TMTC1: variants seen among roughly 807,000 people sequenced by gnomAD.
The protein encoded by TMTC1 is transmembrane O-mannosyltransferase targeting cadherins 1.
A neutral mutation model predicts 104.8 loss-of-function variants in TMTC1; 73 were observed. The observed-to-expected ratio is 0.70, with a 90% CI of 0.58 to 0.85. The LOEUF (loss-of-function observed/expected upper bound fraction) is 0.85, where lower values mean the gene tolerates loss of function less well. Among genes scored for constraint, TMTC1 ranks in the 40% least tolerant of loss-of-function variants. TMTC1 has a pLI of 0.00. For synonymous variants in TMTC1, 434 were observed against 428.7 expected, an observed-to-expected ratio of 1.01 and a Z score of -0.15; for missense variants, 1,035 against 1,096.1, an observed-to-expected ratio of 0.94 and a Z score of 0.79.
At chr12:29,544,186 G>C (rs1944878335) in intron 10 of TMTC1, among the ~76,000 whole-genome samples, 1 of 150,712 alleles carries the variant, frequency 6.6e-6, no homozygotes, top group Non-Finnish European at 1.5e-5. Context: ...AGGTTGCAGT[G>C]AGCTGAGATC....
At chr12:29,591,154 A>T (rs966280915) in intron 7 of TMTC1, among the ~76,000 whole-genome samples, 1 of 152,234 alleles carries the variant, frequency 6.6e-6, no homozygotes, top group Non-Finnish European at 1.5e-5. Flanking sequence ...AGAGTATCAC[A>T]TTCTTAAAAG....
chr12:29,732,988 C>G (rs984841298), intron 5 of TMTC1, among the ~76,000 whole-genome samples: 2 of 152,168 alleles, frequency 1.3e-5, no homozygotes, highest in Non-Finnish European at 2.9e-5. Flanking sequence ...GTTCCAGTAC[C>G]TTCTCCTATA....
At chr12:29,538,910 C>A (rs1381516619) in intron 10 of TMTC1, among the ~76,000 whole-genome samples, 2 of 152,194 alleles carry the variant, frequency 1.3e-5, no homozygotes, top group Non-Finnish European at 2.9e-5. Context: ...CTGGAGGATT[C>A]TCCTTTTGCT....
At chr12:29,744,338 A>C (rs943918770) in intron 5 of TMTC1, among the ~76,000 whole-genome samples, 1 of 152,252 alleles carries the variant, frequency 6.6e-6, no homozygotes, top group Non-Finnish European at 1.5e-5. Flanking sequence ...AACATGGCAC[A>C]TGTATACACA....
intron 7 of TMTC1, among the ~76,000 whole-genome samples, chr12:29,593,080 G>A (rs1946321449): frequency 6.6e-6 from 1 of 152,138 alleles, no homozygotes; most frequent in Non-Finnish European, 1.5e-5. Context: ...TCTGGAAATG[G>A]GTCAAGAGAG....
At chr12:29,534,063 C>A (rs1944577570) in intron 11 of TMTC1, 1 of 152,136 alleles carries the variant, frequency 6.6e-6, no homozygotes, top group Non-Finnish European at 1.5e-5. Flanking sequence ...CAAGGTTTGT[C>A]AATACTGATT....
chr12:29,507,784 C>T (rs753249224), intron 17 of TMTC1, among the ~76,000 whole-genome samples: 1 of 152,152 alleles, frequency 6.6e-6, no homozygotes, highest in Admixed American at 6.5e-5. Context: ...GTATTACCTC[C>T]CTTATTCGTT....
chr12:29,784,564 C>T (rs552423320), upstream of TMTC1: 3 of 152,336 alleles, frequency 2.0e-5, no homozygotes, highest in African/African-American at 4.8e-5. Context: ...ACATCCTGCT[C>T]GCCCTGCCCG....
rs572697541 is a variant in TMTC1, at chr12:29,516,385, C to A, written c.2271G>T (p.Leu757Phe). 6.2e-7 allele frequency: 1 copy of A among 1,613,892 alleles called. No homozygotes were observed. Among genetic ancestry groups the A allele is most frequent in the Non-Finnish European group, 8.5e-7 (1 of 1,179,914 alleles). Reference protein sequence around the residue: ...ETGCLECYRLLSAIYSKQENH... With the variant: ...ETGCLECYRLFSAIYSKQENH... ...TCTCCTGCTTGCTATAGATGGCTGA[C>A]AAGAGGCGATAGCATTCAAGGCATC... Residue 757 changes from leucine to phenylalanine, a missense_variant, in exon 15 of 18, where the codon TTG (leucine) becomes TTT (phenylalanine). Coordinates refer to ENST00000539277, the MANE Select transcript of TMTC1 (RefSeq NM_001193451.2).
At chr12:29,695,787 T>C in intron 5 of TMTC1, among the ~76,000 whole-genome samples, 1 of 101,536 alleles carries the variant, frequency 9.8e-6, no homozygotes, top group Non-Finnish European at 2.3e-5. Flanking sequence ...TTAAACTACT[T>C]CCTTTTTATA....
intron 2 of TMTC1, among the ~76,000 whole-genome samples, chr12:29,766,942 T>C (rs1259831346): frequency 2.1e-5 from 3 of 144,828 alleles, no homozygotes; most frequent in East Asian, 2.2e-4. Flanking sequence ...AAAAGGGCCA[T>C]AGCTATCAAT....
intron 5 of TMTC1, chr12:29,666,113 CA>C: frequency 2.4e-6 from 1 of 409,112 alleles, no homozygotes; most frequent in Non-Finnish European, 4.7e-6. Context: ...AGTGCTTTAA[CA>C]AGTGTTATTT....
At chr12:29,745,272 C>A (rs1005452038) in intron 5 of TMTC1, among the ~76,000 whole-genome samples, 1 of 152,002 alleles carries the variant, frequency 6.6e-6, no homozygotes, top group Non-Finnish European at 1.5e-5. Context: ...TGCCTGTAGT[C>A]CCAGAACACC....
chr12:29,767,634 A>G (rs1943497244), intron 2 of TMTC1, among the ~76,000 whole-genome samples: 1 of 152,340 alleles, frequency 6.6e-6, no homozygotes, highest in East Asian at 1.9e-4. Context: ...CAGGAGGTGC[A>G]AGAAAACCAA....
chr12:29,698,484 C>A (rs1941489174), intron 5 of TMTC1, among the ~76,000 whole-genome samples: 1 of 152,144 alleles, frequency 6.6e-6, no homozygotes, highest in Admixed American at 6.5e-5. Flanking sequence ...AAGAGTTCAC[C>A]ATCACACCTA....
chr12:29,589,919 G>T (rs1370926573), intron 7 of TMTC1, among the ~76,000 whole-genome samples: 1 of 152,178 alleles, frequency 6.6e-6, no homozygotes, highest in Non-Finnish European at 1.5e-5. Context: ...AAGCTTAAAA[G>T]AGTTGAGTAA....
Position 29,712,851 on chromosome 12 carries a change from A to T in TMTC1, c.938+38815T>A, listed in dbSNP as rs1591962703. On this transcript the variant is annotated intron_variant, in intron 5 of 17. Transcript: ENST00000539277. ...GAAGCTTATTGGTGATGTCGAATCT[A>T]CTGGTCTACCTTCAACTTGAATGAA... Among the ~76,000 whole-genome samples the T allele has an allele frequency of 2.0e-5, 3 of 152,312 alleles. No homozygotes were observed. The South Asian group carries it at 6.2e-4, about 32-fold the overall frequency.
chr12:29,565,630 T>C (rs1945490610), intron 9 of TMTC1, among the ~76,000 whole-genome samples: 1 of 152,158 alleles, frequency 6.6e-6, no homozygotes, highest in East Asian at 1.9e-4. Context: ...GTGGATCACA[T>C]GAGGTCAGGA....
At chr12:29,725,426 C>G (rs975727364) in intron 5 of TMTC1, among the ~76,000 whole-genome samples, 7 of 151,962 alleles carry the variant, frequency 4.6e-5, no homozygotes, top group African/African-American at 1.5e-4. Flanking sequence ...CTCAGCCTCC[C>G]AGGTTCAAGT....
Sources: allele counts gnomAD v4.1 joint callset (sites outside exome capture counted in the v4.1 genomes callset), GRCh38; gene constraint gnomAD v4.1.1; transcripts MANE v1.5; gene names NCBI Gene and HGNC (gene_info 2026-07-23, HGNC 2026-07-21).